The following CSMD1 variants were observed in gnomAD, a reference collection of about 807,000 sequenced individuals.
CSMD1 encodes the protein CUB and Sushi multiple domains 1, also known as CUB and sushi domain-containing protein 1.
CSMD1 carries 213 observed loss-of-function variants against 417.5 expected under a neutral mutation model. That is an observed-to-expected ratio of 0.51 (90% CI 0.46 to 0.57). The LOEUF (loss-of-function observed/expected upper bound fraction) is 0.57, where lower values mean the gene tolerates loss of function less well. CSMD1 is among the 20% of genes least tolerant of loss of function. CSMD1 has a pLI of 0.00. For missense variants in CSMD1, 6,923 were observed against 4,529.7 expected, an observed-to-expected ratio of 1.53 and a Z score of -15.17; for synonymous variants, 2,862 against 1,736.8, an observed-to-expected ratio of 1.65 and a Z score of -16.11.
chr8:4,681,273 C>T (rs1806034943), intron 1 of CSMD1, among the ~76,000 whole-genome samples: 1 of 152,072 alleles, frequency 6.6e-6, no homozygotes, highest in African/African-American at 2.4e-5. Flanking sequence ...GTCTGCTTGG[C>T]TTTTAACTTC....
At chr8:3,745,504 C>T (rs988065374) in intron 6 of CSMD1, among the ~76,000 whole-genome samples, 2 of 152,212 alleles carry the variant, frequency 1.3e-5, no homozygotes, top group Admixed American at 1.3e-4. Context: ...ACGTGTACAA[C>T]AGGAAACTCG....
intron 3 of CSMD1, among the ~76,000 whole-genome samples, chr8:4,168,555 T>G (rs961867027): frequency 6.6e-6 from 1 of 152,012 alleles, no homozygotes; most frequent in Non-Finnish European, 1.5e-5. Flanking sequence ...AGTGAGCAGA[T>G]GAGAAGCAGA....
At chr8:4,027,841 A>C (rs1027274329) in intron 4 of CSMD1, among the ~76,000 whole-genome samples, 2 of 152,234 alleles carry the variant, frequency 1.3e-5, no homozygotes, top group Admixed American at 6.5e-5. Context: ...TGAGATCTAC[A>C]TGATCTATTA....
chr8:4,751,773 T>A (rs764656768), intron 1 of CSMD1, among the ~76,000 whole-genome samples: 8 of 152,206 alleles, frequency 5.3e-5, no homozygotes, highest in Non-Finnish European at 1.2e-4. Flanking sequence ...TGAGGACCTC[T>A]GCGTTTGCAT....
chr8:3,955,835 C>T (rs954143503), intron 5 of CSMD1, among the ~76,000 whole-genome samples: 1 of 152,178 alleles, frequency 6.6e-6, no homozygotes, highest in Non-Finnish European at 1.5e-5. Context: ...TCACTTTGCC[C>T]CCTGCCACAC....
chr8:4,140,798 T>C (rs558276540), intron 3 of CSMD1, among the ~76,000 whole-genome samples: 4 of 151,114 alleles, frequency 2.6e-5, no homozygotes, highest in South Asian at 4.1e-4. Context: ...GTTTTGATTT[T>C]CTAAGCGTGT....
At chr8:3,512,642 C>A (rs988776112) in intron 10 of CSMD1, among the ~76,000 whole-genome samples, 2 of 149,942 alleles carry the variant, frequency 1.3e-5, no homozygotes, top group African/African-American at 4.9e-5. Flanking sequence ...TGCTTTGTCG[C>A]CAGGCTGGAG....
At chr8:3,813,171 G>C (rs370393568) in intron 5 of CSMD1, among the ~76,000 whole-genome samples, 1 of 144,292 alleles carries the variant, frequency 6.9e-6, no homozygotes, top group Non-Finnish European at 1.5e-5. Flanking sequence ...ACATTTCAAA[G>C]AAATTCATGA....
At chr8:4,529,798 T>C (rs920609877) in intron 2 of CSMD1, among the ~76,000 whole-genome samples, 3 of 151,816 alleles carry the variant, frequency 2.0e-5, no homozygotes, top group African/African-American at 7.2e-5. Context: ...AGAAAATCTT[T>C]AGGTACAAAT....
At chr8:4,836,585 G>C (rs917897474) in intron 1 of CSMD1, among the ~76,000 whole-genome samples, 24 of 152,160 alleles carry the variant, frequency 1.6e-4, no homozygotes, top group African/African-American at 5.6e-4. Flanking sequence ...AATAAGTTTT[G>C]ATTAGTATGC....
At chr8:4,707,821 A>T (rs1357555174) in intron 1 of CSMD1, among the ~76,000 whole-genome samples, 3 of 144,088 alleles carry the variant, frequency 2.1e-5, no homozygotes, top group Admixed American at 7.1e-5. Flanking sequence ...CGGGAGGGAG[A>T]GGTTGCAGTG....
chr8:4,697,919 A>T (rs1368711397), intron 1 of CSMD1, among the ~76,000 whole-genome samples: 1 of 152,198 alleles, frequency 6.6e-6, no homozygotes. Flanking sequence ...ACAGACTGCC[A>T]ACCACGTTTA....
At chr8:4,042,311 G>A (rs1160284751) in intron 3 of CSMD1, among the ~76,000 whole-genome samples, 1 of 152,134 alleles carries the variant, frequency 6.6e-6, no homozygotes, top group Admixed American at 6.6e-5. Context: ...GTAATGTTCT[G>A]TGTAGAGAGA....
intron 2 of CSMD1, among the ~76,000 whole-genome samples, chr8:4,458,774 ATAACGGTTAGGAATATTTAATTTTTTT>A (rs1182881716): frequency 1.3e-5 from 2 of 152,140 alleles, no homozygotes; most frequent in Non-Finnish European, 2.9e-5. Flanking sequence ...ATTGAATAAG[ATAACGGTTAGGAATATTTAATTTTTTT>A]TAACAACTTT....
At chr8:3,275,777 C>T (rs992336999) in intron 26 of CSMD1, among the ~76,000 whole-genome samples, 9 of 152,178 alleles carry the variant, frequency 5.9e-5, no homozygotes, top group Admixed American at 5.2e-4. Context: ...TTTTCAGCTC[C>T]ATCAGCTCCT....
At position 3,396,237 on chromosome 8, in the gene CSMD1, A is replaced by G; in HGVS notation, c.2550T>C (p.Thr850=). ...AGCCGATGCTGGAGCGGCTGTTGTCAGTGGTGAACAGCAGGTACATGAAGT... is the reference window on the plus strand; with the variant it reads ...AGCCGATGCTGGAGCGGCTGTTGTCGGTGGTGAACAGCAGGTACATGAAGT... ...TGNFMYLLFT[T]DNSRSSIGFL... is the part of the protein sequence containing the mutation. The change falls in exon 17 of 70, where the codon ACT becomes ACC. Residue 850 remains threonine, a synonymous_variant. Transcript: ENST00000635120. 3 of 1,574,584 alleles carry G rather than the reference A, an allele frequency of 1.9e-6. No individual in the cohort carries two copies. Among genetic ancestry groups the G allele is most frequent in the African/African-American group, 1.3e-5 (1 of 74,260 alleles).
intron 8 of CSMD1, among the ~76,000 whole-genome samples, chr8:3,601,745 G>A (rs927643713): frequency 9.2e-5 from 14 of 152,180 alleles, no homozygotes; most frequent in Non-Finnish European, 1.3e-4. Context: ...ATAACAACCA[G>A]TGCATTGATT....
intron 1 of CSMD1, among the ~76,000 whole-genome samples, chr8:4,863,941 CCTAAA>C (rs1262227130): frequency 5.3e-5 from 7 of 131,482 alleles, no homozygotes; most frequent in Non-Finnish European, 1.2e-4. Flanking sequence ...ATAAATAAAT[CCTAAA>C]ATAAATGTCA....
chr8:4,655,579 T>A (rs948837729), intron 1 of CSMD1, among the ~76,000 whole-genome samples: 1 of 152,090 alleles, frequency 6.6e-6, no homozygotes, highest in Non-Finnish European at 1.5e-5. Flanking sequence ...GAATTACTTA[T>A]TTTTCAAAAA....
Sources: gnomAD v4.1 joint callset for allele counts (sites outside exome capture counted in the v4.1 genomes callset) on GRCh38, gnomAD v4.1.1 for gene constraint, MANE v1.5 for transcripts, NCBI Gene and HGNC (gene_info 2026-07-23, HGNC 2026-07-21) for gene names.